Variants in ENOX1 observed in about 807,000 individuals in gnomAD.
ENOX1 encodes the protein candidate growth-related and time keeping constitutive hydroquinone (NADH) oxidase.
In ENOX1, 42 loss-of-function variants were observed where a neutral mutation model predicts 82.5. That is an observed-to-expected ratio of 0.51 (90% CI 0.40 to 0.66). ENOX1 has a LOEUF of 0.66. Among genes scored for constraint, ENOX1 ranks in the 30% least tolerant of loss-of-function variants. ENOX1 has a pLI of 0.00. For synonymous variants in ENOX1, 271 were observed against 282.2 expected (o/e 0.96, Z 0.40); for missense variants, 608 against 811.6 (o/e 0.75, Z 3.05).
At chr13:43,667,847 C>T (rs1566737636) in intron 1 of ENOX1, among the ~76,000 whole-genome samples, 1 of 152,188 alleles carries the variant, frequency 6.6e-6, no homozygotes, top group Non-Finnish European at 1.5e-5. Flanking sequence ...ACACTAAAGC[C>T]AGTGCTAGGG....
intron 12 of ENOX1, among the ~76,000 whole-genome samples, 177 bp from the exon 13 acceptor site, chr13:43,269,754 G>A (rs192038887): frequency 6.6e-6 from 1 of 152,246 alleles, no homozygotes; most frequent in Non-Finnish European, 1.5e-5. Flanking sequence ...TTGCAGTTTT[G>A]ACACACTTTA....
intron 5 of ENOX1, among the ~76,000 whole-genome samples, chr13:43,386,556 G>A (rs1179801146): frequency 6.6e-6 from 1 of 152,188 alleles, no homozygotes; most frequent in African/African-American, 2.4e-5. Context: ...GTATCTGTAA[G>A]TGAAGAGAGT....
intron 1 of ENOX1, among the ~76,000 whole-genome samples, chr13:43,743,186 C>A (rs767126953): frequency 1.3e-5 from 2 of 152,080 alleles, no homozygotes; most frequent in African/African-American, 4.8e-5. Context: ...AGCCCTGAAG[C>A]CTCATACTTT....
chr13:43,258,938 G>C (rs1225791463), intron 14 of ENOX1, among the ~76,000 whole-genome samples: 1 of 152,206 alleles, frequency 6.6e-6, no homozygotes, highest in Non-Finnish European at 1.5e-5. Flanking sequence ...GGACTAGCAG[G>C]TTTTGGTAAG....
At chr13:43,228,905 G>A (rs879496465) in intron 15 of ENOX1, among the ~76,000 whole-genome samples, 1 of 152,214 alleles carries the variant, frequency 6.6e-6, no homozygotes, top group Non-Finnish European at 1.5e-5. Flanking sequence ...ACAGCAACCT[G>A]CAGTTTGCTG....
At chr13:43,732,320 A>G (rs900579921) in intron 1 of ENOX1, among the ~76,000 whole-genome samples, 5 of 152,224 alleles carry the variant, frequency 3.3e-5, no homozygotes, top group African/African-American at 1.2e-4. Flanking sequence ...ATGACAAAGC[A>G]TGCAATGACA....
intron 7 of ENOX1, among the ~76,000 whole-genome samples, chr13:43,359,107 TCCC>T (rs1052683215): frequency 6.6e-6 from 1 of 151,282 alleles, no homozygotes; most frequent in African/African-American, 2.4e-5. Flanking sequence ...TTTCCCACAT[TCCC>T]CCATCAGCTT....
chr13:43,393,717 A>G (rs2052949323), intron 5 of ENOX1, among the ~76,000 whole-genome samples: 2 of 152,192 alleles, frequency 1.3e-5, no homozygotes, highest in African/African-American at 4.8e-5. Flanking sequence ...AATAATTGAG[A>G]CTCTATGAAT....
chr13:43,412,819 G>A, intron 4 of ENOX1, 26 bp downstream of exon 4: 1 of 1,613,256 alleles, frequency 6.2e-7, no homozygotes, highest in Non-Finnish European at 8.5e-7. Flanking sequence ...CCTTGTTTGT[G>A]TCCTGTGCTG....
chr13:43,222,201 C>A (rs1170159996), intron 16 of ENOX1, among the ~76,000 whole-genome samples: 1 of 152,050 alleles, frequency 6.6e-6, no homozygotes, highest in African/African-American at 2.4e-5. Context: ...CATCTAATGG[C>A]CAGGGACAAG....
intron 2 of ENOX1, among the ~76,000 whole-genome samples, chr13:43,646,246 G>A (rs535207323): frequency 4.1e-4 from 62 of 152,292 alleles, no homozygotes; most frequent in Non-Finnish European, 2.6e-4. Context: ...TGTCTTCTGC[G>A]AGCATGTATG....
intron 15 of ENOX1, among the ~76,000 whole-genome samples, chr13:43,229,305 C>T (rs1483897732): frequency 1.3e-5 from 2 of 152,132 alleles, no homozygotes; most frequent in African/African-American, 4.8e-5. Context: ...ACTAATACAG[C>T]GATTACGTGA....
chr13:43,785,479 G>C (rs1952515782), intron 1 of ENOX1, among the ~76,000 whole-genome samples: 1 of 152,174 alleles, frequency 6.6e-6, no homozygotes, highest in African/African-American at 2.4e-5. Flanking sequence ...CGTATTTCCT[G>C]CATTCTCCTG....
intron 3 of ENOX1, among the ~76,000 whole-genome samples, chr13:43,416,284 C>T (rs199726892): frequency 6.9e-6 from 1 of 143,894 alleles, no homozygotes; most frequent in African/African-American, 2.6e-5. Flanking sequence ...ACGGGGCGGC[C>T]GGGCAGAGAT....
chr13:43,648,898 T>A (rs778688861), intron 2 of ENOX1, among the ~76,000 whole-genome samples: 1 of 152,216 alleles, frequency 6.6e-6, no homozygotes, highest in African/African-American at 2.4e-5. Flanking sequence ...GTTACTGTGA[T>A]AGATTTCCCT....
intron 2 of ENOX1, among the ~76,000 whole-genome samples, chr13:43,538,252 T>A (rs1347386821): frequency 6.6e-6 from 1 of 152,184 alleles, no homozygotes; most frequent in Non-Finnish European, 1.5e-5. Context: ...CATCATTTTT[T>A]AAAAAACCAT....
intron 3 of ENOX1, among the ~76,000 whole-genome samples, chr13:43,482,914 C>T (rs559716682): frequency 1.3e-5 from 2 of 152,236 alleles, no homozygotes; most frequent in African/African-American, 2.4e-5. Context: ...CTACCCCATA[C>T]CCTAGTAAAT....
At chr13:43,591,812 C>T (rs999247878) in intron 2 of ENOX1, among the ~76,000 whole-genome samples, 1 of 152,172 alleles carries the variant, frequency 6.6e-6, no homozygotes, top group African/African-American at 2.4e-5. Context: ...TCCACGAATA[C>T]TGCCAAAGGA....
chr13:43,770,749 T>C (rs866718399), intron 1 of ENOX1, among the ~76,000 whole-genome samples: 2 of 151,904 alleles, frequency 1.3e-5, no homozygotes, highest in Middle Eastern at 3.4e-3. Context: ...CCTGGATATA[T>C]CAACAATGGT....
Sources: allele counts gnomAD v4.1 joint callset (sites outside exome capture counted in the v4.1 genomes callset), GRCh38; gene constraint gnomAD v4.1.1; transcripts MANE v1.5; gene names NCBI Gene and HGNC (gene_info 2026-07-23, HGNC 2026-07-21).